FHIT: variants seen among roughly 807,000 people sequenced by gnomAD.
The protein encoded by FHIT is fragile histidine triad diadenosine triphosphatase.
FHIT carries 19 observed loss-of-function variants against 17.9 expected under a neutral mutation model. The ratio of observed to expected loss-of-function variants is 1.06; its 90% CI spans 0.74 to 1.56. The LOEUF (loss-of-function observed/expected upper bound fraction) is 1.56. FHIT is among the 40% of genes most tolerant of loss of function. The pLI is 0.00. For synonymous variants in FHIT, 81 were observed against 69.7 expected, an observed-to-expected ratio of 1.16 and a Z score of -0.81; for missense variants, 248 against 189.2, an observed-to-expected ratio of 1.31 and a Z score of -1.82.
intron 5 of FHIT, among the ~76,000 whole-genome samples, chr3:60,426,093 C>T (rs1702653875): frequency 6.6e-6 from 1 of 152,128 alleles, no homozygotes; most frequent in Admixed American, 6.5e-5. Flanking sequence ...AGCCTGGGCT[C>T]CAGAGCCAGA....
intron 5 of FHIT, among the ~76,000 whole-genome samples, chr3:60,015,513 G>T (rs920664200): frequency 4.6e-5 from 7 of 152,166 alleles, no homozygotes; most frequent in African/African-American, 1.7e-4. Context: ...TAGAAATGAA[G>T]AATTTCCTTT....
At position 59,773,731 on chromosome 3, in the gene FHIT, C is replaced by T. The variant is rs912417938; in HGVS notation, c.349-21410G>A. On this transcript the variant is annotated intron_variant, in intron 8 of 9. Coordinates refer to ENST00000492590, the MANE Select transcript of FHIT (RefSeq NM_002012.4). ...GGGTGTGGACTGCAGACCAACATCA[C>T]CTGGCGGCTTGTTAGAAAAGCAGAA... Among the ~76,000 whole-genome samples the T allele has an allele frequency of 2.0e-5, 3 of 152,236 alleles. No homozygotes were observed. The East Asian group carries it at 5.8e-4, about 29-fold the overall frequency.
At chr3:60,015,373 T>C (rs890621160) in intron 5 of FHIT, among the ~76,000 whole-genome samples, 11 of 152,138 alleles carry the variant, frequency 7.2e-5, no homozygotes, top group African/African-American at 2.7e-4. Context: ...AAAAGAAGCA[T>C]TTTTAAAATC....
intron 5 of FHIT, among the ~76,000 whole-genome samples, chr3:60,107,661 T>C (rs1014925344): frequency 1.3e-5 from 2 of 152,224 alleles, no homozygotes; most frequent in African/African-American, 4.8e-5. Flanking sequence ...GCTTAAGTTC[T>C]GTTTTCCTTT....
At chr3:61,164,209 A>G (rs2037772319) in intron 2 of FHIT, among the ~76,000 whole-genome samples, 1 of 152,214 alleles carries the variant, frequency 6.6e-6, no homozygotes, top group Non-Finnish European at 1.5e-5. Flanking sequence ...AAGTCCTCTC[A>G]TCTTCTCCAA....
At chr3:60,683,501 G>C (rs765335339) in intron 4 of FHIT, among the ~76,000 whole-genome samples, 15 of 141,222 alleles carry the variant, frequency 1.1e-4, no homozygotes, top group Non-Finnish European at 2.3e-4. Flanking sequence ...AGTATTTTTA[G>C]CAAAAAAAAT....
chr3:60,032,938 G>A (rs959763838), intron 5 of FHIT, among the ~76,000 whole-genome samples: 1 of 151,860 alleles, frequency 6.6e-6, no homozygotes, highest in Non-Finnish European at 1.5e-5. Flanking sequence ...CCAAACACAA[G>A]ATAGAGAAAC....
chr3:60,367,315 C>G (rs539162380), intron 5 of FHIT, among the ~76,000 whole-genome samples: 1 of 152,250 alleles, frequency 6.6e-6, no homozygotes, highest in South Asian at 2.1e-4. Context: ...GCCCTGGGAC[C>G]AAATAGCTAA....
chr3:61,109,200 C>A (rs570586742), intron 2 of FHIT, among the ~76,000 whole-genome samples: 2 of 152,306 alleles, frequency 1.3e-5, no homozygotes, highest in East Asian at 1.9e-4. Context: ...ACATTTGTAT[C>A]TGAACATGTG....
At chr3:60,272,506 C>T (rs1326804355) in intron 5 of FHIT, among the ~76,000 whole-genome samples, 2 of 152,108 alleles carry the variant, frequency 1.3e-5, no homozygotes, top group East Asian at 3.9e-4. Flanking sequence ...ATGATGAATC[C>T]TTTAATGATA....
At chr3:59,870,874 C>CGTGTGTGTGTGTGTGTGCGTGT (rs1702890574) in intron 8 of FHIT, among the ~76,000 whole-genome samples, 1 of 149,778 alleles carries the variant, frequency 6.7e-6, no homozygotes, top group Non-Finnish European at 1.5e-5. Flanking sequence ...TGTGTGTGTG[C>CGTGTGTGTGTGTGTGTGCGTGT]GTGTGTGTGT....
At chr3:60,247,199 C>A (rs1443569858) in intron 5 of FHIT, among the ~76,000 whole-genome samples, 1 of 137,032 alleles carries the variant, frequency 7.3e-6, no homozygotes, top group African/African-American at 2.9e-5. Context: ...TTGCTATAAA[C>A]CTAAAACTGT....
At chr3:61,043,143 A>G (rs1357106084) in intron 2 of FHIT, among the ~76,000 whole-genome samples, 1 of 152,174 alleles carries the variant, frequency 6.6e-6, no homozygotes, top group African/African-American at 2.4e-5. Flanking sequence ...TGTGAGCCAA[A>G]GCAGGGCAGG....
chr3:60,717,350 T>C (rs367668498), intron 4 of FHIT, among the ~76,000 whole-genome samples: 2 of 152,270 alleles, frequency 1.3e-5, no homozygotes, highest in East Asian at 3.9e-4. Context: ...TATGAGATGA[T>C]GGATATGTTA....
intron 4 of FHIT, among the ~76,000 whole-genome samples, chr3:60,621,328 TTAG>T (rs1259453983): frequency 6.8e-4 from 104 of 151,854 alleles, no homozygotes; most frequent in African/African-American, 2.4e-3. Flanking sequence ...TTTTGTATTT[TTAG>T]TAGAGACAGG....
At chr3:60,997,623 T>G (rs936123242) in intron 3 of FHIT, among the ~76,000 whole-genome samples, 1 of 152,172 alleles carries the variant, frequency 6.6e-6, no homozygotes. Context: ...TTACCTGCTT[T>G]GTCCTCGTAT....
intron 5 of FHIT, among the ~76,000 whole-genome samples, chr3:60,245,595 A>G (rs1705353900): frequency 6.6e-6 from 1 of 152,104 alleles, no homozygotes; most frequent in Non-Finnish European, 1.5e-5. Context: ...TTGTTAATTG[A>G]AAAAAGAAAC....
chr3:60,446,893 TAATAATAAA>T (rs1360950541), intron 5 of FHIT, among the ~76,000 whole-genome samples: 162 of 138,468 alleles, frequency 1.2e-3, no homozygotes, highest in Middle Eastern at 3.8e-3. Flanking sequence ...ATAATAATAA[TAATAATAAA>T]AAGCCTTCAG....
chr3:61,210,872 A>T (rs1385661993), intron 1 of FHIT, among the ~76,000 whole-genome samples: 1 of 151,932 alleles, frequency 6.6e-6, no homozygotes, highest in African/African-American at 2.4e-5. Flanking sequence ...TTGGAAATGC[A>T]GAAATCACCC....
Sources: allele counts gnomAD v4.1 joint callset (sites outside exome capture counted in the v4.1 genomes callset), GRCh38; gene constraint gnomAD v4.1.1; transcripts MANE v1.5; gene names NCBI Gene and HGNC (gene_info 2026-07-23, HGNC 2026-07-21).